DIP2C: variants seen among roughly 807,000 people sequenced by gnomAD.
DIP2C encodes the protein DIP2 acetate--CoA ligase C (putative).
In DIP2C, 33 loss-of-function variants were observed where a neutral mutation model predicts 192.4. The ratio of observed to expected loss-of-function variants is 0.17; its 90% CI spans 0.13 to 0.23. The LOEUF is 0.23. DIP2C is among the 10% of genes least tolerant of loss of function. The pLI is 1.00. For missense variants in DIP2C, 1,537 were observed against 2,110.1 expected, an observed-to-expected ratio of 0.73 and a Z score of 5.32; for synonymous variants, 979 against 864.1, an observed-to-expected ratio of 1.13 and a Z score of -2.33.
chr10:552,847 T>C, intron 1 of DIP2C, among the ~76,000 whole-genome samples: 1 of 151,898 alleles, frequency 6.6e-6, no homozygotes, highest in Admixed American at 6.5e-5. Context: ...AGACTCCATC[T>C]CAAAAAAAAG....
intron 1 of DIP2C, among the ~76,000 whole-genome samples, chr10:624,966 G>C (rs1304845541): frequency 6.6e-6 from 1 of 152,234 alleles, no homozygotes; most frequent in Non-Finnish European, 1.5e-5. Flanking sequence ...TGCACCCACA[G>C]CTGCAGGCCT....
intron 5 of DIP2C, among the ~76,000 whole-genome samples, chr10:419,515 G>T (rs1436037874): frequency 6.6e-6 from 1 of 152,228 alleles, no homozygotes; most frequent in Non-Finnish European, 1.5e-5. Context: ...CCCTGTGTGT[G>T]TTCACGGAGG....
At chr10:445,082 T>C (rs889708205) in intron 3 of DIP2C, among the ~76,000 whole-genome samples, 1 of 152,214 alleles carries the variant, frequency 6.6e-6, no homozygotes, top group Non-Finnish European at 1.5e-5. Context: ...CCTGCTACCA[T>C]CCTCCTCCTC....
Position 689,660 on chromosome 10 carries a change from C to T in DIP2C, c.-82G>A, listed in dbSNP as rs926677035. 5.7e-5 allele frequency: 55 copies of T among 958,414 alleles called. No individual in the cohort carries two copies. Among genetic ancestry groups the T allele is most frequent in the Non-Finnish European group, 6.6e-5 (52 of 792,160 alleles). 59.4% of individuals were successfully genotyped at this position (958,414 alleles called of 1,614,324 possible). A position where few individuals can be genotyped will look rare whatever the true frequency, so the allele number is the denominator to read the frequency against. On this transcript the variant is annotated 5_prime_UTR_variant, in exon 1 of 37. Transcript: ENST00000280886. The surrounding 1 kb of genome is among the most constrained non-coding windows in gnomAD (Gnocchi z 6.1). ...GGCGGCTCCTCGCGCCCGGCGGAAC[C>T]GCACCGAGGAGGAGGCGGCGGCGCG...
At chr10:571,795 T>C (rs905588535) in intron 1 of DIP2C, among the ~76,000 whole-genome samples, 65 of 152,172 alleles carry the variant, frequency 4.3e-4, no homozygotes, top group African/African-American at 1.6e-3. Flanking sequence ...ACATGGGACA[T>C]GGGAGAGGTA....
At chr10:377,738 C>A (rs1019581897) in intron 17 of DIP2C, among the ~76,000 whole-genome samples, 2 of 152,120 alleles carry the variant, frequency 1.3e-5, no homozygotes, top group African/African-American at 2.4e-5. Context: ...CTTCTCCCTG[C>A]GGACACGTCT....
At chr10:323,668 G>C (rs1284144816) in intron 31 of DIP2C, among the ~76,000 whole-genome samples, 1 of 152,106 alleles carries the variant, frequency 6.6e-6, no homozygotes, top group African/African-American at 2.4e-5. Flanking sequence ...GGGTAGATGG[G>C]TTTATGACTG....
chr10:580,782 A>T (rs1259447600), intron 1 of DIP2C, among the ~76,000 whole-genome samples: 1 of 152,208 alleles, frequency 6.6e-6, no homozygotes, highest in Admixed American at 6.5e-5. Flanking sequence ...TTTTAAGGAA[A>T]TAATTTTCAT....
chr10:391,625 G>A (rs1963462697), intron 10 of DIP2C, among the ~76,000 whole-genome samples: 1 of 152,238 alleles, frequency 6.6e-6, no homozygotes, highest in South Asian at 2.1e-4. Flanking sequence ...CCAGCTGTGT[G>A]GGTTTTCCAT....
At chr10:435,143 T>C (rs1409906042) in intron 4 of DIP2C, among the ~76,000 whole-genome samples, 2 of 152,206 alleles carry the variant, frequency 1.3e-5, no homozygotes, top group Non-Finnish European at 2.9e-5. Flanking sequence ...AGTCGTCCCA[T>C]AGTGCTTGGA....
At chr10:491,997 C>T (rs1450225583) in intron 1 of DIP2C, among the ~76,000 whole-genome samples, 1 of 152,022 alleles carries the variant, frequency 6.6e-6, no homozygotes, top group Non-Finnish European at 1.5e-5. Flanking sequence ...CCCCAGAAAA[C>T]AGGGGCAAGA....
chr10:399,669 C>G (rs1216553182), intron 9 of DIP2C, among the ~76,000 whole-genome samples: 1 of 152,186 alleles, frequency 6.6e-6, no homozygotes, highest in Admixed American at 6.5e-5. Flanking sequence ...CCTTAGTGTT[C>G]TTCTCTGAAA....
At chr10:324,016 T>C (rs896536068) in intron 31 of DIP2C, among the ~76,000 whole-genome samples, 1 of 152,174 alleles carries the variant, frequency 6.6e-6, no homozygotes, top group Non-Finnish European at 1.5e-5. Context: ...TACGGCTGCC[T>C]TCGCTGGACT....
At chr10:598,898 G>T (rs1008704883) in intron 1 of DIP2C, among the ~76,000 whole-genome samples, 7 of 152,230 alleles carry the variant, frequency 4.6e-5, no homozygotes, top group Non-Finnish European at 5.9e-5. Context: ...CATGTGAATA[G>T]TTACTTTTCT....
chr10:642,261 C>T (rs914314451), intron 1 of DIP2C, among the ~76,000 whole-genome samples: 1 of 152,206 alleles, frequency 6.6e-6, no homozygotes, highest in African/African-American at 2.4e-5. Flanking sequence ...CCTCAGCATC[C>T]TCAGACCCAC....
intron 1 of DIP2C, among the ~76,000 whole-genome samples, chr10:600,250 T>C (rs1436120426): frequency 6.6e-6 from 1 of 152,156 alleles, no homozygotes; most frequent in African/African-American, 2.4e-5. Flanking sequence ...ACCAGGTTCC[T>C]CTGGAGTCAC....
chr10:502,607 A>G (rs564680756), intron 1 of DIP2C, among the ~76,000 whole-genome samples: 45 of 152,306 alleles, frequency 3.0e-4, no homozygotes, highest in South Asian at 6.2e-4. Context: ...CAAGGGATCT[A>G]CAAAAGTCAG....
chr10:547,430 C>T (rs1848341603), intron 1 of DIP2C, among the ~76,000 whole-genome samples: 1 of 152,118 alleles, frequency 6.6e-6, no homozygotes, highest in Non-Finnish European at 1.5e-5. Flanking sequence ...ACTCAGGGCT[C>T]ACATCACTGA....
At chr10:326,905 A>AGC (rs1297585505) in intron 31 of DIP2C, 101 bp downstream of exon 31, 30 of 1,393,050 alleles carry the variant, frequency 2.2e-5, no homozygotes, top group Non-Finnish European at 2.8e-5. Context: ...TTCTGGATGT[A>AGC]GCTAAGCATC....
Sources: allele counts gnomAD v4.1 joint callset (sites outside exome capture counted in the v4.1 genomes callset), GRCh38; gene constraint gnomAD v4.1.1; non-coding constraint Gnocchi (gnomAD v3.1); transcripts MANE v1.5; gene names NCBI Gene and HGNC (gene_info 2026-07-23, HGNC 2026-07-21).